The following ROBO2 variants were observed in gnomAD, a reference collection of about 807,000 sequenced individuals.
ROBO2 encodes the protein roundabout guidance receptor 2.
A neutral mutation model predicts 160.8 loss-of-function variants in ROBO2; 53 were observed. That is an observed-to-expected ratio of 0.33 (90% CI 0.26 to 0.41). The LOEUF (loss-of-function observed/expected upper bound fraction) is 0.41, where lower values mean the gene tolerates loss of function less well. Among genes scored for constraint, ROBO2 ranks in the 10% least tolerant of loss-of-function variants. The probability of loss-of-function intolerance (pLI) is 1.00; values close to 1 mark genes in which losing one functional copy is unlikely to be tolerated. For synonymous variants in ROBO2, 664 were observed against 611.7 expected (o/e 1.09, Z -1.26); for missense variants, 1,577 against 1,722.4 (o/e 0.92, Z 1.49).
intron 4 of ROBO2, among the ~76,000 whole-genome samples, chr3:77,487,592 C>G (rs569230468): frequency 6.6e-6 from 1 of 152,034 alleles, no homozygotes; most frequent in Non-Finnish European, 1.5e-5. Context: ...CATTCAATGA[C>G]TATCAAACCC....
chr3:77,292,750 A>G (rs2061467710), intron 2 of ROBO2, among the ~76,000 whole-genome samples: 2 of 97,134 alleles, frequency 2.1e-5, no homozygotes. Context: ...AGTTGAGGCT[A>G]GAGCACTAAA....
chr3:77,521,502 GAAAGTAGTGGATAAA>G (rs1328917870), intron 5 of ROBO2, among the ~76,000 whole-genome samples: 1 of 151,232 alleles, frequency 6.6e-6, no homozygotes, highest in Non-Finnish European at 1.5e-5. Flanking sequence ...GCTTCACAAT[GAAAGTAGTGGATAAA>G]AAAGTAGTGG....
chr3:76,559,095 T>A (rs1403193118), intron 2 of ROBO2, among the ~76,000 whole-genome samples: 1 of 152,140 alleles, frequency 6.6e-6, no homozygotes, highest in African/African-American at 2.4e-5. Flanking sequence ...TATAGACATA[T>A]GCAATTCTAA....
At chr3:76,502,670 C>T (rs1475144981) in intron 2 of ROBO2, among the ~76,000 whole-genome samples, 2 of 152,002 alleles carry the variant, frequency 1.3e-5, no homozygotes, top group Non-Finnish European at 2.9e-5. Context: ...GAAATAAGCA[C>T]ATCATGAAGA....
At position 77,110,692 on chromosome 3, in the gene ROBO2, T is replaced by TAGAG. The variant is rs1300539218; in HGVS notation, c.388+12353_388+12354insGAGA. 3.4e-5 allele frequency among the ~76,000 whole-genome samples: 5 copies of TAGAG among 149,148 alleles called. 1 individual carries two copies. The highest frequency in any genetic ancestry group is 7.4e-5 in the Non-Finnish European group (5 of 67,502). On this transcript the variant is annotated intron_variant, in intron 2 of 25. Coordinates refer to ENST00000461745, the Ensembl canonical transcript of ROBO2. ...AAGTATATATGTATATACATATATATATATAGAGAGAGAGAGAGAGAGGCA... is the reference window on the plus strand; with the variant it reads ...AAGTATATATGTATATACATATATATAGAGATATAGAGAGAGAGAGAGAGAGGCA...
intron 2 of ROBO2, among the ~76,000 whole-genome samples, chr3:77,130,334 A>G (rs1007100335): frequency 2.0e-5 from 3 of 152,270 alleles, no homozygotes; most frequent in East Asian, 1.9e-4. Flanking sequence ...CTGCTTCTTT[A>G]CGACACATTT....
At position 76,355,293 on chromosome 3, in the gene ROBO2, T is replaced by C. The variant is rs578077647; in HGVS notation, c.109+417691T>C. Among the ~76,000 whole-genome samples the C allele has an allele frequency of 3.3e-5, 5 of 151,944 alleles. No homozygotes were observed. In the East Asian group the frequency reaches 9.7e-4, roughly 29 times the overall value. ...TAAATTAGTTAACATTAGGAAATTG[T>C]ATGTAGGTTAACAGTGCCTGACAAT... On this transcript the variant is annotated intron_variant, in intron 2 of 26. Transcript: ENST00000487694.
At chr3:76,975,420 G>C (rs1018327353) in intron 2 of ROBO2, among the ~76,000 whole-genome samples, 3 of 152,112 alleles carry the variant, frequency 2.0e-5, no homozygotes, top group African/African-American at 7.2e-5. Context: ...CAGGAGAATC[G>C]CTTGAACCCA....
intron 2 of ROBO2, among the ~76,000 whole-genome samples, chr3:76,987,241 T>A (rs1343274604): frequency 6.6e-6 from 1 of 152,202 alleles, no homozygotes; most frequent in Admixed American, 6.5e-5. Flanking sequence ...CTAGATAATA[T>A]CTGCAATTTA....
intron 2 of ROBO2, among the ~76,000 whole-genome samples, chr3:76,382,421 T>C (rs962464776): frequency 1.3e-5 from 2 of 152,158 alleles, no homozygotes; most frequent in African/African-American, 4.8e-5. Flanking sequence ...ACCCCGTCTC[T>C]ACTAAAAATA....
intron 1 of ROBO2, among the ~76,000 whole-genome samples, chr3:77,045,909 T>C (rs4370063): frequency 0.99 from 150,105 of 152,306 alleles, 74,002 homozygotes; most frequent in Middle Eastern, 1. Flanking sequence ...TTTAGCGTAA[T>C]GTTTTTAAGG....
intron 2 of ROBO2, among the ~76,000 whole-genome samples, chr3:77,309,062 T>C (rs1386669420): frequency 1.3e-4 from 2 of 15,284 alleles, no homozygotes; most frequent in African/African-American, 2.2e-4. Flanking sequence ...CGGCTATTTA[T>C]TGTTTTTTTT....
chr3:76,764,533 A>G (rs1448694953), intron 2 of ROBO2, among the ~76,000 whole-genome samples: 3 of 151,754 alleles, frequency 2.0e-5, no homozygotes, highest in East Asian at 2.0e-4. Flanking sequence ...CATGATTAAA[A>G]CATCATTCAA....
chr3:76,548,991 A>G (rs1560130165), intron 2 of ROBO2, among the ~76,000 whole-genome samples: 1 of 152,128 alleles, frequency 6.6e-6, no homozygotes, highest in Non-Finnish European at 1.5e-5. Context: ...TTAAGTTTAT[A>G]TATAATTATT....
At chr3:76,505,450 G>C (rs2080745915) in intron 2 of ROBO2, among the ~76,000 whole-genome samples, 1 of 152,146 alleles carries the variant, frequency 6.6e-6, no homozygotes, top group South Asian at 2.1e-4. Flanking sequence ...CCAACTGCTG[G>C]CACCTGTGAA....
At chr3:75,982,039 C>A (rs1008852304) in intron 2 of ROBO2, among the ~76,000 whole-genome samples, 1 of 151,446 alleles carries the variant, frequency 6.6e-6, no homozygotes, top group Non-Finnish European at 1.5e-5. Context: ...CTTTCTGTGC[C>A]TGGCTTATTT....
chr3:76,314,439 A>G (rs576363224), intron 2 of ROBO2, among the ~76,000 whole-genome samples: 2 of 152,062 alleles, frequency 1.3e-5, no homozygotes. Context: ...ATATAAATAG[A>G]TAATATCATA....
intron 25 of ROBO2, among the ~76,000 whole-genome samples, chr3:77,645,656 T>C (rs2095405843): frequency 6.6e-6 from 1 of 152,210 alleles, no homozygotes; most frequent in South Asian, 2.1e-4. Flanking sequence ...TTCTGTGAGA[T>C]GATGAAAAGA....
intron 2 of ROBO2, among the ~76,000 whole-genome samples, chr3:77,265,439 TA>T (rs2059062405): frequency 6.6e-6 from 1 of 152,180 alleles, no homozygotes; most frequent in African/African-American, 2.4e-5. Context: ...GATATAATTT[TA>T]ATAGGTGCAT....
Sources: allele counts gnomAD v4.1 joint callset (sites outside exome capture counted in the v4.1 genomes callset), GRCh38; gene constraint gnomAD v4.1.1; transcripts MANE v1.5; gene names NCBI Gene and HGNC (gene_info 2026-07-23, HGNC 2026-07-21).